The following STARD6 variants were observed in gnomAD, a reference collection of about 807,000 sequenced individuals.
STARD6 encodes stAR-related lipid transfer protein 6.
STARD6 carries 21 observed loss-of-function variants against 22.3 expected under a neutral mutation model. That is an observed-to-expected ratio of 0.94 (90% CI 0.67 to 1.35). STARD6 has a LOEUF of 1.35. Ranked by LOEUF, STARD6 falls within the 40% of genes most tolerant of loss-of-function variation. The pLI, the probability that STARD6 is intolerant of heterozygous loss-of-function variation, is 0.00. For synonymous variants in STARD6, 80 were observed against 88.1 expected (o/e 0.91, Z 0.52); for missense variants, 269 against 266.9 (o/e 1.01, Z -0.05).
intron 4 of STARD6, among the ~76,000 whole-genome samples, chr18:54,342,145 G>T (rs1274449797): frequency 6.6e-6 from 1 of 152,160 alleles, no homozygotes; most frequent in Non-Finnish European, 1.5e-5. Context: ...AATGGACAAC[G>T]TCCTAGAAAA....
In STARD6 at chr18:54,324,504, C is replaced by A; in HGVS notation, c.*188G>T. ...CATCATTCTTACGTGAGATTAAAAA[C>A]GGTATTTAATGCCATATTCTTGTAC... On this transcript the variant is annotated 3_prime_UTR_variant, in exon 8 of 8. Coordinates refer to ENST00000307844, the MANE Select transcript of STARD6 (RefSeq NM_139171.2). The A allele has an allele frequency of 2.1e-6, 1 of 469,816 alleles. No homozygotes were observed. The highest frequency in any genetic ancestry group is 4.4e-5 in the South Asian group (1 of 22,932). 29.1% of individuals were successfully genotyped at this position (469,816 alleles called of 1,614,324 possible).
intron 4 of STARD6, among the ~76,000 whole-genome samples, chr18:54,338,343 G>T (rs1272209169): frequency 6.6e-6 from 1 of 152,056 alleles, no homozygotes; most frequent in Non-Finnish European, 1.5e-5. Context: ...TACAAAAGCG[G>T]TCTTCAATCC....
At chr18:54,355,525 T>C (rs1314773197) in intron 2 of STARD6, among the ~76,000 whole-genome samples, 1 of 152,128 alleles carries the variant, frequency 6.6e-6, no homozygotes, top group East Asian at 1.9e-4. Flanking sequence ...GGGAGCTCAA[T>C]GGCCCCTTCT....
chr18:54,338,938 C>T (rs1365936301), intron 4 of STARD6, among the ~76,000 whole-genome samples: 2 of 149,560 alleles, frequency 1.3e-5, no homozygotes, highest in Admixed American at 6.8e-5. Context: ...ATCCCAGCTA[C>T]TTGGGAGGCT....
chr18:54,337,003 C>T (rs944695136), intron 5 of STARD6, 122 bp downstream of exon 5: 26 of 909,700 alleles, frequency 2.9e-5, no homozygotes, highest in Non-Finnish European at 3.7e-5. Flanking sequence ...TTTATAAAGA[C>T]TTCAAGTCAA....
intron 2 of STARD6, 51 bp from the exon 3 acceptor site, chr18:54,354,628 T>A: frequency 7.9e-7 from 1 of 1,266,034 alleles, no homozygotes; most frequent in Admixed American, 2.0e-5. Context: ...ATATAAAAAC[T>A]TAAAAAGTGC....
At chr18:54,356,731 A>G (rs1021762032) in intron 1 of STARD6, among the ~76,000 whole-genome samples, 5 of 152,234 alleles carry the variant, frequency 3.3e-5, no homozygotes, top group African/African-American at 1.2e-4. Flanking sequence ...AGCTTACGTC[A>G]CTAACAATTA....
chr18:54,356,132 A>T (rs973243328), intron 2 of STARD6, among the ~76,000 whole-genome samples: 3 of 152,200 alleles, frequency 2.0e-5, no homozygotes, highest in Non-Finnish European at 4.4e-5. Flanking sequence ...AAAACTCTCC[A>T]AAGATCTGCT....
chr18:54,324,941 T>G, intron 7 of STARD6, 66 bp from the exon 8 acceptor site: 1 of 1,312,858 alleles, frequency 7.6e-7, no homozygotes, highest in Non-Finnish European at 1.0e-6. Flanking sequence ...ACTTTACAGG[T>G]TTTTGGAGAG....
At chr18:54,343,456 G>A (rs2089001087) in intron 4 of STARD6, among the ~76,000 whole-genome samples, 1 of 130,336 alleles carries the variant, frequency 7.7e-6, no homozygotes, top group African/African-American at 3.0e-5. Flanking sequence ...CGCCCGGTCT[G>A]GGAGGTGAGG....
rs184714900 is a variant in STARD6 at position 54,341,220 on chromosome 18, C to T, written c.141-3969G>A. Among the ~76,000 whole-genome samples, 645 of 152,242 alleles carry T rather than the reference C, an allele frequency of 4.2e-3. 9 individuals are homozygous for T. Among genetic ancestry groups the T allele is most frequent in the African/African-American group, 0.015 (624 of 41,552 alleles). ...GACTAGAGGCGCCCGCCACTGCGCC[C>T]GGCTAATTTTTTGTATTTTTAGTAG... is the stretch of plus-strand genomic sequence containing the variant. On this transcript the variant is annotated intron_variant, in intron 4 of 7. Transcript: ENST00000307844.
chr18:54,350,132 C>T (rs1828099245), intron 4 of STARD6, among the ~76,000 whole-genome samples: 1 of 152,172 alleles, frequency 6.6e-6, no homozygotes, highest in Non-Finnish European at 1.5e-5. Flanking sequence ...TTCACCACAT[C>T]CATGCCAAAA....
At chr18:54,342,720 C>CCCT (rs2088986138) in intron 4 of STARD6, among the ~76,000 whole-genome samples, 1 of 85,430 alleles carries the variant, frequency 1.2e-5, no homozygotes, top group Non-Finnish European at 2.2e-5. Context: ...ACCTCGGCCT[C>CCCT]CCGAGGTGCC....
chr18:54,329,564 A>G, intron 6 of STARD6, 124 bp from the exon 7 acceptor site: 1 of 701,040 alleles, frequency 1.4e-6, no homozygotes, highest in Non-Finnish European at 2.2e-6. Context: ...AGTTTTATAT[A>G]TGTGAATGTG....
At chr18:54,347,467 T>G (rs1343228318) in intron 4 of STARD6, among the ~76,000 whole-genome samples, 3 of 152,068 alleles carry the variant, frequency 2.0e-5, no homozygotes, top group African/African-American at 7.2e-5. Flanking sequence ...TGAAAGAGAA[T>G]TGTGTGAAAT....
At chr18:54,341,660 A>G (rs1229252916) in intron 4 of STARD6, among the ~76,000 whole-genome samples, 2 of 152,252 alleles carry the variant, frequency 1.3e-5, no homozygotes, top group Middle Eastern at 3.2e-3. Flanking sequence ...TTCTTAAATA[A>G]CCAGTAAGTC....
chr18:54,346,161 C>T (rs2089031980), intron 4 of STARD6, among the ~76,000 whole-genome samples: 1 of 152,068 alleles, frequency 6.6e-6, no homozygotes, highest in African/African-American at 2.4e-5. Context: ...AGTCGCAAAT[C>T]ATATATGTGA....
intron 4 of STARD6, among the ~76,000 whole-genome samples, chr18:54,339,287 A>G (rs1486936639): frequency 2.0e-5 from 3 of 151,726 alleles, no homozygotes; most frequent in African/African-American, 7.2e-5. Flanking sequence ...AAGAAAGGAT[A>G]GAGAAAAAGA....
intron 4 of STARD6, among the ~76,000 whole-genome samples, chr18:54,349,233 C>T (rs1657889): frequency 0.065 from 9,942 of 152,020 alleles, 371 homozygotes; most frequent in African/African-American, 0.086. Flanking sequence ...GAACTTTGGC[C>T]ACGTGGCTAG....
Sources: gnomAD v4.1 joint callset for allele counts (sites outside exome capture counted in the v4.1 genomes callset) on GRCh38, gnomAD v4.1.1 for gene constraint, MANE v1.5 for transcripts, NCBI Gene and HGNC (gene_info 2026-07-23, HGNC 2026-07-21) for gene names.